The following RPTOR variants were observed in gnomAD, a reference collection of about 807,000 sequenced individuals.
The protein encoded by RPTOR is regulatory associated protein of MTOR complex 1, also known as regulatory-associated protein of mTOR.
RPTOR carries 21 observed loss-of-function variants against 169.9 expected under a neutral mutation model. The ratio of observed to expected loss-of-function variants is 0.12; its 90% CI spans 0.09 to 0.18. The LOEUF (loss-of-function observed/expected upper bound fraction) is 0.18, where lower values mean the gene tolerates loss of function less well. Among genes scored for constraint, RPTOR ranks in the 10% least tolerant of loss-of-function variants. The pLI, the probability that RPTOR is intolerant of heterozygous loss-of-function variation, is 1.00. For synonymous variants in RPTOR, 732 were observed against 753.2 expected (o/e 0.97, Z 0.46); for missense variants, 1,133 against 1,855.9 (o/e 0.61, Z 7.16).
At chr17:80,825,354 C>T (rs1487897204) in intron 9 of RPTOR, among the ~76,000 whole-genome samples, 3 of 152,216 alleles carry the variant, frequency 2.0e-5, no homozygotes, top group African/African-American at 4.8e-5. Flanking sequence ...CTAGAGGCCG[C>T]GTGGCGAGGT....
Position 80,878,609 on chromosome 17 carries a change from G to A in RPTOR, c.1510-1806G>A, listed in dbSNP as rs1160854121. On this transcript the variant is annotated intron_variant, in intron 13 of 33. Transcript: ENST00000306801. This position sits in a 1 kb window ranked among gnomAD's most constrained non-coding sequence, Gnocchi z 4.1. ...GACCCGCCTGTCTCAGCCTCCCAAAGTGCTGGGATTATAGGCATGAGCCAC... is the reference window on the plus strand; with the variant it reads ...GACCCGCCTGTCTCAGCCTCCCAAAATGCTGGGATTATAGGCATGAGCCAC... Among the ~76,000 whole-genome samples, 2 of 152,036 alleles carry A rather than the reference G, an allele frequency of 1.3e-5. No homozygotes were observed. The highest frequency in any genetic ancestry group is 2.1e-4 in the South Asian group (1 of 4,816).
At chr17:80,856,832 C>T (rs79354887) in intron 12 of RPTOR, among the ~76,000 whole-genome samples, 2,492 of 152,302 alleles carry the variant, frequency 0.016, 71 homozygotes, top group African/African-American at 0.057. Flanking sequence ...AGCTTCTGCT[C>T]ATTGGAAATT....
intron 3 of RPTOR, among the ~76,000 whole-genome samples, chr17:80,700,589 GTGGTGGTGATGGTGATGATGGTGA>G (rs2066081933): frequency 4.2e-5 from 1 of 23,602 alleles, no homozygotes; most frequent in African/African-American, 1.2e-4. Context: ...GATGATGGAA[GTGGTGGTGATGGTGATGATGGTGA>G]TGGTGGTGGT....
chr17:80,943,611 G>A (rs2069061249), intron 25 of RPTOR, among the ~76,000 whole-genome samples: 1 of 152,190 alleles, frequency 6.6e-6, no homozygotes, highest in South Asian at 2.1e-4. Context: ...AGTTTCTCTG[G>A]GGACCCCTTT....
chr17:80,852,570 G>C (rs551220342), intron 11 of RPTOR, among the ~76,000 whole-genome samples: 1 of 152,090 alleles, frequency 6.6e-6, no homozygotes, highest in Non-Finnish European at 1.5e-5. Flanking sequence ...AGCTGGCTCC[G>C]GGCACATAGA....
chr17:80,886,230 G>A (rs533305491), intron 17 of RPTOR, among the ~76,000 whole-genome samples: 2 of 152,254 alleles, frequency 1.3e-5, no homozygotes, highest in Non-Finnish European at 2.9e-5. Context: ...TGGGAGGGAC[G>A]TGACCCGGAC....
At chr17:80,817,830 C>T (rs572779535) in intron 7 of RPTOR, among the ~76,000 whole-genome samples, 1 of 152,284 alleles carries the variant, frequency 6.6e-6, no homozygotes, top group African/African-American at 2.4e-5. Flanking sequence ...AGGGGAAGGG[C>T]ACCTGCTTGG....
intron 28 of RPTOR, among the ~76,000 whole-genome samples, chr17:80,953,828 CG>C (rs1327507196): frequency 3.3e-5 from 5 of 152,208 alleles, no homozygotes; most frequent in Admixed American, 2.0e-4. Context: ...CCCTCCCGCC[CG>C]GTTGCACACC....
chr17:80,713,076 T>C (rs1373476832), intron 4 of RPTOR, among the ~76,000 whole-genome samples: 1 of 152,142 alleles, frequency 6.6e-6, no homozygotes, highest in Non-Finnish European at 1.5e-5. Context: ...TTTGTTTTTG[T>C]TTTTGTTTTG....
At chr17:80,839,839 GAATA>G (rs978601024) in intron 10 of RPTOR, among the ~76,000 whole-genome samples, 2 of 152,180 alleles carry the variant, frequency 1.3e-5, no homozygotes, top group Non-Finnish European at 2.9e-5. Context: ...CTTTCTAAAC[GAATA>G]CTTAGGTTTC....
intron 7 of RPTOR, among the ~76,000 whole-genome samples, chr17:80,800,385 C>G (rs2143528208): frequency 6.6e-6 from 1 of 152,298 alleles, no homozygotes; most frequent in Non-Finnish European, 1.5e-5. Flanking sequence ...CAGTATTAAC[C>G]CCTTCCGAGC....
intron 1 of RPTOR, among the ~76,000 whole-genome samples, chr17:80,583,667 C>A (rs191711061): frequency 6.6e-6 from 1 of 152,332 alleles, no homozygotes; most frequent in Admixed American, 6.5e-5. Context: ...ACTGGCCTCC[C>A]AACCCGGTAG....
intron 11 of RPTOR, among the ~76,000 whole-genome samples, chr17:80,855,011 G>A (rs543276182): frequency 1.1e-4 from 16 of 152,300 alleles, no homozygotes; most frequent in African/African-American, 3.4e-4. Flanking sequence ...GTACTGTGCC[G>A]CCTTTGGGAA....
chr17:80,584,350 TA>T (rs112094563), intron 1 of RPTOR, among the ~76,000 whole-genome samples: 5 of 149,118 alleles, frequency 3.4e-5, no homozygotes, highest in Non-Finnish European at 1.5e-5. Flanking sequence ...TCAGGGGAGC[TA>T]AAAAAAAATG....
At chr17:80,859,478 G>A (rs1339588938) in intron 13 of RPTOR, among the ~76,000 whole-genome samples, 2 of 152,238 alleles carry the variant, frequency 1.3e-5, no homozygotes, top group Admixed American at 6.5e-5. Flanking sequence ...AGGGGCACAC[G>A]TGTGTGATAC....
intron 20 of RPTOR, among the ~76,000 whole-genome samples, chr17:80,897,540 A>G (rs570485019): frequency 6.6e-6 from 1 of 152,358 alleles, no homozygotes; most frequent in Admixed American, 6.5e-5. Context: ...GTAGGGAATT[A>G]CATGATTGAA....
At chr17:80,943,674 G>A (rs2144046940) in intron 25 of RPTOR, among the ~76,000 whole-genome samples, 1 of 152,322 alleles carries the variant, frequency 6.6e-6, no homozygotes, top group East Asian at 1.9e-4. Flanking sequence ...CTCCCCACAG[G>A]GAAGACTGGA....
chr17:80,654,467 G>A (rs964689544), intron 3 of RPTOR, among the ~76,000 whole-genome samples: 5 of 152,236 alleles, frequency 3.3e-5, no homozygotes, highest in African/African-American at 1.2e-4. Context: ...GTGGTCCTCC[G>A]TGTAACTGGC....
intron 3 of RPTOR, among the ~76,000 whole-genome samples, chr17:80,689,389 A>G (rs1317805444): frequency 6.6e-6 from 1 of 152,216 alleles, no homozygotes; most frequent in Non-Finnish European, 1.5e-5. Context: ...CTGCTCCCTG[A>G]CATCCGTCTT....
Sources: allele counts gnomAD v4.1 joint callset (sites outside exome capture counted in the v4.1 genomes callset), GRCh38; gene constraint gnomAD v4.1.1; non-coding constraint Gnocchi (gnomAD v3.1); transcripts MANE v1.5; gene names NCBI Gene and HGNC (gene_info 2026-07-23, HGNC 2026-07-21).